The following RICTOR variants were observed in gnomAD, a reference collection of about 807,000 sequenced individuals.
The protein encoded by RICTOR is RPTOR independent companion of MTOR complex 2, also known as rapamycin-insensitive companion of mTOR.
Under a neutral mutation model 214.9 loss-of-function variants are expected in RICTOR, and 49 were observed. That is an observed-to-expected ratio of 0.23 (90% confidence interval 0.18 to 0.29). The LOEUF is 0.29. Ranked by LOEUF, RICTOR falls within the 10% of genes least tolerant of loss-of-function variation. The pLI is 1.00. For synonymous variants in RICTOR, 717 were observed against 711.3 expected, an observed-to-expected ratio of 1.01 and a Z score of -0.13; for missense variants, 1,625 against 2,047.0, an observed-to-expected ratio of 0.79 and a Z score of 3.98.
At chr5:38,984,536 T>C (rs1751998306) in intron 7 of RICTOR, among the ~76,000 whole-genome samples, 1 of 152,180 alleles carries the variant, frequency 6.6e-6, no homozygotes, top group Non-Finnish European at 1.5e-5. Flanking sequence ...TACAGACTGG[T>C]GCACAGTCAA....
At position 38,976,599 on chromosome 5, in the gene RICTOR, C is replaced by T. The variant is rs929260977; in HGVS notation, c.822-995G>A. Reference sequence around the variant, plus strand: ...CACCTGTGTGATTAAGCTTTCAGTGCTTTCTCTTAAAAAAGTTGGTGACAT... The same window carrying T: ...CACCTGTGTGATTAAGCTTTCAGTGTTTTCTCTTAAAAAAGTTGGTGACAT... On this transcript the variant is annotated intron_variant, in intron 9 of 37. Coordinates refer to ENST00000357387, the MANE Select transcript of RICTOR (RefSeq NM_152756.5). Among the ~76,000 whole-genome samples, 4 of 152,058 alleles carry T rather than the reference C, an allele frequency of 2.6e-5. No homozygotes were observed. The South Asian group carries it at 8.3e-4, about 32-fold the overall frequency.
intron 7 of RICTOR, among the ~76,000 whole-genome samples, chr5:38,990,648 G>GATATATATCAGATATATCAT: frequency 2.1e-5 from 1 of 48,026 alleles, no homozygotes; most frequent in Non-Finnish European, 4.6e-5. Context: ...ACATATATCA[G>GATATATATCAGATATATCAT]ATATATGATA....
At chr5:38,984,220 A>AT (rs70982525) in intron 7 of RICTOR, among the ~76,000 whole-genome samples, 1,990 of 152,218 alleles carry the variant, frequency 0.013, 47 homozygotes, top group African/African-American at 0.044. Flanking sequence ...GTTTCCGAAT[A>AT]ACATAAAAAC....
At chr5:38,990,603 T>TAC (rs1580015572) in intron 7 of RICTOR, among the ~76,000 whole-genome samples, 2 of 127,058 alleles carry the variant, frequency 1.6e-5, no homozygotes, top group African/African-American at 3.0e-5. Flanking sequence ...ATACGATATA[T>TAC]ATGATATATA....
intron 10 of RICTOR, among the ~76,000 whole-genome samples, chr5:38,974,434 GA>G (rs1308686213): frequency 1.3e-5 from 2 of 152,132 alleles, no homozygotes; most frequent in African/African-American, 4.8e-5. Flanking sequence ...GGCAGAAACA[GA>G]CATCATTACA....
intron 2 of RICTOR, among the ~76,000 whole-genome samples, chr5:39,051,251 ATTTG>A (rs1365251115): frequency 6.6e-6 from 1 of 152,234 alleles, no homozygotes; most frequent in Admixed American, 6.5e-5. Context: ...AATAACTGTT[ATTTG>A]TTTATTAACA....
intron 2 of RICTOR, among the ~76,000 whole-genome samples, chr5:39,052,045 G>A (rs1490018113): frequency 6.6e-6 from 1 of 152,128 alleles, no homozygotes; most frequent in Non-Finnish European, 1.5e-5. Context: ...CTGGGCAGAA[G>A]TAGTGAGTCA....
intron 2 of RICTOR, among the ~76,000 whole-genome samples, chr5:39,040,248 A>G (rs549068321): frequency 8.8e-4 from 129 of 146,796 alleles, no homozygotes; most frequent in African/African-American, 3.1e-3. Context: ...GTTCTCACTC[A>G]TAGGTGGGAA....
At chr5:39,070,711 G>C (rs936383549) in intron 2 of RICTOR, among the ~76,000 whole-genome samples, 6 of 152,164 alleles carry the variant, frequency 3.9e-5, no homozygotes, top group Non-Finnish European at 7.3e-5. Flanking sequence ...AATAATTAAA[G>C]TATACCAGGA....
intron 2 of RICTOR, among the ~76,000 whole-genome samples, chr5:39,062,054 C>G (rs371557053): frequency 6.6e-6 from 1 of 152,004 alleles, no homozygotes; most frequent in East Asian, 1.9e-4. Context: ...CATATGAAAT[C>G]TTATATGACA....
At position 38,957,770 on chromosome 5, in the gene RICTOR, G is replaced by T. The variant is rs1554061659; in HGVS notation, c.2421-40C>A. 2.8e-6 allele frequency: 3 copies of T among 1,080,890 alleles called. No individual in the cohort carries two copies. In the East Asian group the frequency reaches 7.4e-5, roughly 27 times the overall value. The allele number at this position is 1,080,890 out of a possible 1,614,324, so 67.0% of individuals were successfully genotyped here. A position where few individuals can be genotyped will look rare whatever the true frequency, so the allele number is the denominator to read the frequency against. On this transcript the variant is annotated intron_variant, in intron 24 of 37. Transcript: ENST00000357387. ...AAGCAATAGTTTAACATTGAGTCTG[G>T]CAAAAACGTATCTTAAGAAGCTAAA...
At chr5:39,025,255 A>ACTAC (rs2150141786) in intron 2 of RICTOR, among the ~76,000 whole-genome samples, 1 of 152,308 alleles carries the variant, frequency 6.6e-6, no homozygotes, top group East Asian at 1.9e-4. Flanking sequence ...TAGACACCAA[A>ACTAC]CTACCATCTA....
chr5:39,031,417 A>G (rs1756261344), intron 2 of RICTOR, among the ~76,000 whole-genome samples: 1 of 152,096 alleles, frequency 6.6e-6, no homozygotes, highest in Non-Finnish European at 1.5e-5. Flanking sequence ...TCCTCTCTAA[A>G]GTTTCTGACA....
In RICTOR at chr5:38,941,869, T is replaced by TC; in HGVS notation, c.*434dup. ...AGGATGCAGCCTTAGAGACACTGAT[T>TC]CCTGCTTTCCACAAGTTAGTTAACA... On this transcript the variant is annotated 3_prime_UTR_variant, in exon 38 of 38. Transcript: ENST00000357387. 1 of 233,736 alleles carries TC rather than the reference T, an allele frequency of 4.3e-6. No individual in the cohort carries two copies. Among genetic ancestry groups the TC allele is most frequent in the South Asian group, 1.8e-4 (1 of 5,532 alleles). The allele number at this position is 233,736 out of a possible 1,614,324, so 14.5% of individuals were successfully genotyped here. A position where few individuals can be genotyped will look rare whatever the true frequency, so the allele number is the denominator to read the frequency against.
At chr5:39,068,035 A>G (rs1473219674) in intron 2 of RICTOR, among the ~76,000 whole-genome samples, 4 of 152,214 alleles carry the variant, frequency 2.6e-5, no homozygotes, top group Non-Finnish European at 5.9e-5. Context: ...CTAAAGTAAG[A>G]CAATGGTAAC....
chr5:39,002,884 C>A (rs977013856), intron 4 of RICTOR, among the ~76,000 whole-genome samples: 1 of 151,912 alleles, frequency 6.6e-6, no homozygotes. Flanking sequence ...ACATTCTTAC[C>A]AATCAAGAAA....
chr5:38,949,640 GGC>G (rs1456609490), intron 31 of RICTOR, 70 bp downstream of exon 31: 1 of 1,364,366 alleles, frequency 7.3e-7, no homozygotes, highest in Non-Finnish European at 1.0e-6. Flanking sequence ...TGTAAAACCT[GGC>G]TAACATTTTG....
At chr5:38,943,839 A>C (rs1374556651) in intron 36 of RICTOR, among the ~76,000 whole-genome samples, 1 of 152,032 alleles carries the variant, frequency 6.6e-6, no homozygotes, top group Non-Finnish European at 1.5e-5. Flanking sequence ...ATACAAAATA[A>C]AAAAGCCCTG....
At chr5:39,004,582 T>A (rs1235181627) in intron 3 of RICTOR, among the ~76,000 whole-genome samples, 2 of 150,290 alleles carry the variant, frequency 1.3e-5, no homozygotes, top group Non-Finnish European at 1.5e-5. Flanking sequence ...GCCTCAGCCC[T>A]CCGAGTAGCT....
Sources: allele counts gnomAD v4.1 joint callset (sites outside exome capture counted in the v4.1 genomes callset), GRCh38; gene constraint gnomAD v4.1.1; transcripts MANE v1.5; gene names NCBI Gene and HGNC (gene_info 2026-07-23, HGNC 2026-07-21).